ETAA1: variants seen among roughly 807,000 people sequenced by gnomAD.
The protein encoded by ETAA1 is ewing's tumor-associated antigen 1.
Under a neutral mutation model 76.8 loss-of-function variants are expected in ETAA1, and 49 were observed. That is an observed-to-expected ratio of 0.64 (90% confidence interval 0.51 to 0.81). The LOEUF is 0.81. Ranked by LOEUF, ETAA1 falls within the 30% of genes least tolerant of loss-of-function variation. The pLI is 0.00. For synonymous variants in ETAA1, 373 were observed against 372.2 expected (o/e 1.00, Z -0.03); for missense variants, 1,099 against 1,074.0 (o/e 1.02, Z -0.32).
At chr2:67,402,310 C>G (rs927637758) in intron 3 of ETAA1, 1 of 151,868 alleles carries the variant, frequency 6.6e-6, no homozygotes, top group African/African-American at 2.4e-5. Context: ...TAACCTTGCT[C>G]TTATCTCTTA....
intron 3 of ETAA1, chr2:67,400,565 T>C (rs1676026180): frequency 6.6e-6 from 1 of 152,194 alleles, no homozygotes; most frequent in Admixed American, 6.5e-5. Flanking sequence ...AATATTATAA[T>C]TACTAAGAAG....
chr2:67,409,451 G>A (rs1430033881), intron 5 of ETAA1, among the ~76,000 whole-genome samples: 1 of 152,010 alleles, frequency 6.6e-6, no homozygotes. Flanking sequence ...AAAAGTAGAT[G>A]TGAATATTAA....
chr2:67,401,029 T>A (rs1407301044), intron 3 of ETAA1: 1 of 152,102 alleles, frequency 6.6e-6, no homozygotes, highest in Non-Finnish European at 1.5e-5. Context: ...AGAAGCATAA[T>A]AAAATGTGTT....
chr2:67,399,166 T>G lies in ETAA1; in HGVS notation c.224-3T>G, dbSNP rs201337200. 1 of 1,605,538 alleles carries G rather than the reference T, an allele frequency of 6.2e-7. No homozygotes were observed. The highest frequency in any genetic ancestry group is 2.2e-5 in the East Asian group (1 of 44,766). ...ATTGTTATTTTACTCATATTTTATA[T>G]AGAAAGGTATGAAACACCAAAGAGA... On this transcript the variant is annotated splice_polypyrimidine_tract_variant and splice_region_variant and intron_variant, in intron 1 of 5. Transcript: ENST00000272342.
chr2:67,408,027 A>AT (rs985644809), intron 5 of ETAA1, among the ~76,000 whole-genome samples: 94 of 152,250 alleles, frequency 6.2e-4, no homozygotes, highest in African/African-American at 2.2e-3. Flanking sequence ...ATCTATCTGC[A>AT]TTTTTTATGG....
chr2:67,398,999 G>A (rs537788468), intron 1 of ETAA1, among the ~76,000 whole-genome samples, 170 bp from the exon 2 acceptor site: 1 of 152,222 alleles, frequency 6.6e-6, no homozygotes, highest in African/African-American at 2.4e-5. Context: ...AGTGCCGCGT[G>A]GATTTTTATG....
At position 67,403,917 on chromosome 2, in the gene ETAA1, A is replaced by C. The variant is rs548438590; in HGVS notation, c.1235A>C (p.Asp412Ala). ...CCTTCTAAAACAGCCCATGTTACTGATCAAAAGGAAATTTGTACCTTTAAT... is the reference window on the plus strand; with the variant it reads ...CCTTCTAAAACAGCCCATGTTACTGCTCAAAAGGAAATTTGTACCTTTAAT... ...LFPSKTAHVTDQKEICTFNSK... is the reference protein window; with the variant it reads ...LFPSKTAHVTAQKEICTFNSK... The change falls in exon 5 of 6, where the codon GAT becomes GCT. Residue 412 changes from aspartate to alanine, a missense_variant. Coordinates refer to ENST00000272342, the MANE Select transcript of ETAA1 (RefSeq NM_019002.4). The C allele has an allele frequency of 2.7e-5, 43 of 1,612,030 alleles. No individual in the cohort carries two copies. The highest frequency in any genetic ancestry group is 3.5e-5 in the Non-Finnish European group (41 of 1,179,240).
At position 67,403,802 on chromosome 2, in the gene ETAA1, T is replaced by C; in HGVS notation, c.1120T>C (p.Phe374Leu). ...PETSNKYIDA[F>L]TTSDFEDDWE... ...AACTTCTAATAAGTACATTGATGCA[T>C]TTACTACAAGTGATTTTGAGGATGA... Residue 374 changes from phenylalanine to leucine, a missense_variant, in exon 5 of 6, where the codon TTT becomes CTT. Physicochemically the swap from Phe to Leu is conservative, Grantham distance 22. Coordinates refer to ENST00000272342, the MANE Select transcript of ETAA1 (RefSeq NM_019002.4). The C allele has an allele frequency of 6.2e-7, 1 of 1,613,384 alleles. No individual in the cohort carries two copies. Among genetic ancestry groups the C allele is most frequent in the Non-Finnish European group, 8.5e-7 (1 of 1,179,480 alleles).
At position 67,397,695 on chromosome 2, in the gene ETAA1, G is replaced by A. The variant is rs559825297; in HGVS notation, c.223+24G>A. ...GGGTGAGACGTCGGCAGCGCGGCCT[G>A]CCTTGGCTTCGGCGCCGCATCCCCA... is the stretch of plus-strand genomic sequence containing the variant. On this transcript the variant is annotated intron_variant, in intron 1 of 5. Coordinates refer to ENST00000272342, the MANE Select transcript of ETAA1 (RefSeq NM_019002.4). 5.5e-5 allele frequency: 85 copies of A among 1,542,458 alleles called. No individual in the cohort carries two copies. The African/African-American group carries it at 1.1e-3, about 20-fold the overall frequency.
At position 67,410,256 on chromosome 2, in the gene ETAA1, G is replaced by C. The variant is rs1676338044; in HGVS notation, c.*218G>C. The C allele has an allele frequency of 2.1e-6, 1 of 480,926 alleles. No homozygotes were observed. Among genetic ancestry groups the C allele is most frequent in the Admixed American group, 4.1e-5 (1 of 24,348 alleles). The allele number at this position is 480,926 out of a possible 1,614,324, so 29.8% of individuals were successfully genotyped here. On this transcript the variant is annotated 3_prime_UTR_variant, in exon 6 of 6. Transcript: ENST00000272342. Reference sequence around the variant, plus strand: ...TAAATACAAAAGTTTTGGAAATTCAGGAAAGTTAGCAATTATGTACGGATA... The same window carrying C: ...TAAATACAAAAGTTTTGGAAATTCACGAAAGTTAGCAATTATGTACGGATA...
At position 67,410,243 on chromosome 2, in the gene ETAA1, T is replaced by C. The variant is rs1558583862; in HGVS notation, c.*205T>C. 1 of 516,376 alleles carries C rather than the reference T, an allele frequency of 1.9e-6. No homozygotes were observed. Among genetic ancestry groups the C allele is most frequent in the Non-Finnish European group, 3.3e-6 (1 of 301,404 alleles). The allele number at this position is 516,376 out of a possible 1,614,324, so 32.0% of individuals were successfully genotyped here. A position where few individuals can be genotyped will look rare whatever the true frequency, so the allele number is the denominator to read the frequency against. On this transcript the variant is annotated 3_prime_UTR_variant, in exon 6 of 6. Coordinates refer to ENST00000272342, the MANE Select transcript of ETAA1 (RefSeq NM_019002.4). ...ATTTGAAAGTCATTAAATACAAAAG[T>C]TTTGGAAATTCAGGAAAGTTAGCAA...
rs1675992710 is a variant in ETAA1 at position 67,399,481 on chromosome 2, A to G, written c.353-69A>G. On this transcript the variant is annotated intron_variant, in intron 2 of 5. Coordinates refer to ENST00000272342, the MANE Select transcript of ETAA1 (RefSeq NM_019002.4). ...CACTAAATAAAATTACTTTCTAAGA[A>G]GTGACAGCTGTTTTTTAAAATGGAG... 3.1e-6 allele frequency: 4 copies of G among 1,282,278 alleles called. No individual in the cohort carries two copies. The East Asian group carries it at 9.5e-5, about 30-fold the overall frequency. 79.4% of individuals were successfully genotyped at this position (1,282,278 alleles called of 1,614,324 possible).
chr2:67,404,537 A>C lies in ETAA1; in HGVS notation c.1855A>C (p.Arg619=). The stretch of plus-strand genomic sequence containing the variant: ...GTACCAAGCATGTGATGATATTGAA[A>C]GACTAACTCAGCAACAAGACATTAG... ...LLYQACDDIE[R]LTQQQDIRKD... is the part of the protein sequence containing the mutation. The change falls in exon 5 of 6, where the codon AGA becomes CGA. Residue 619 remains arginine, a synonymous_variant. Coordinates refer to ENST00000272342, the MANE Select transcript of ETAA1 (RefSeq NM_019002.4). 1 of 1,613,504 alleles carries C rather than the reference A, an allele frequency of 6.2e-7. No homozygotes were observed. Among genetic ancestry groups the C allele is most frequent in the Non-Finnish European group, 8.5e-7 (1 of 1,179,582 alleles).
In ETAA1 at chr2:67,404,716, C is replaced by T; in HGVS notation, c.2034C>T (p.Asn678=). The T allele has an allele frequency of 6.2e-7, 1 of 1,613,334 alleles. No individual in the cohort carries two copies. The highest frequency in any genetic ancestry group is 8.5e-7 in the Non-Finnish European group (1 of 1,179,562). ...INNNSEHGAK[N]MFAISKQGSN... ...ATAATTCCGAACATGGAGCCAAAAA[C>T]ATGTTTGCTATATCTAAACAAGGAA... Residue 678 remains asparagine, a synonymous_variant, in exon 5 of 6, where the codon AAC becomes AAT. Coordinates refer to ENST00000272342, the MANE Select transcript of ETAA1 (RefSeq NM_019002.4).
rs61740794 is a variant in ETAA1, at chr2:67,404,699, G to A, written c.2017G>A (p.Glu673Lys). ...ESICEINNNS[E>K]HGAKNMFAIS... ...TATATGTGAGATCAATAATAATTCC[G>A]AACATGGAGCCAAAAACATGTTTGC... Residue 673 changes from glutamate to lysine, a missense_variant, in exon 5 of 6, where the codon GAA becomes AAA. Around this residue, in one of 3 missense-constraint regions of ETAA1, gnomAD observed 36 missense variants for 64.0 expected, o/e 0.56. Coordinates refer to ENST00000272342, the MANE Select transcript of ETAA1 (RefSeq NM_019002.4). 301,786 of 945,856 alleles carry A rather than the reference G, an allele frequency of 0.32. 71,386 individuals are homozygous for A. The highest frequency in any genetic ancestry group is 0.51 in the East Asian group (19,813 of 39,202). The allele number at this position is 945,856 out of a possible 1,614,324, so 58.6% of individuals were successfully genotyped here.
Position 67,399,630 on chromosome 2 carries a change from A to G in ETAA1, c.429+4A>G. The G allele has an allele frequency of 6.3e-7, 1 of 1,580,632 alleles. No individual in the cohort carries two copies. The highest frequency in any genetic ancestry group is 8.7e-7 in the Non-Finnish European group (1 of 1,153,966). On this transcript the variant is annotated splice_donor_region_variant and intron_variant, in intron 3 of 5. Coordinates refer to ENST00000272342, the MANE Select transcript of ETAA1 (RefSeq NM_019002.4). ...TGTTAATCGTATTGCTCCTCAGGTA[A>G]ATATCACTAGTTTTACAGTTTGTTT... is the stretch of plus-strand genomic sequence containing the variant.
Position 67,404,102 on chromosome 2 carries a change from T to G in ETAA1, c.1420T>G (p.Ser474Ala). Residue 474 changes from serine to alanine, a missense_variant, in exon 5 of 6, where the codon TCC (serine) becomes GCC (alanine). Ser to Ala is a moderately conservative substitution (Grantham distance 99). Coordinates refer to ENST00000272342, the MANE Select transcript of ETAA1 (RefSeq NM_019002.4). ...AAATTCAAATAAATCAAACAAATTA[T>G]CCACTGGAAATAAAATGAAATTTGA... Reference protein sequence around the residue: ...SPNSNKSNKLSTGNKMKFENS... With the variant: ...SPNSNKSNKLATGNKMKFENS... The G allele has an allele frequency of 1.3e-6, 2 of 1,591,808 alleles. No individual in the cohort carries two copies. The highest frequency in any genetic ancestry group is 4.5e-5 in the East Asian group (2 of 44,676).
At chr2:67,399,508 G>GT (rs756696193) in intron 2 of ETAA1, 42 bp from the exon 3 acceptor site, 22 of 1,472,688 alleles carry the variant, frequency 1.5e-5, no homozygotes, top group East Asian at 9.1e-5. Flanking sequence ...AAAATGGAGG[G>GT]TTTTTTGTTT....
chr2:67,403,603 C>T lies in ETAA1; in HGVS notation c.921C>T (p.Ser307=). The T allele has an allele frequency of 6.2e-7, 1 of 1,613,236 alleles. No homozygotes were observed. Among genetic ancestry groups the T allele is most frequent in the Non-Finnish European group, 8.5e-7 (1 of 1,179,394 alleles). ...AAGAACTGCCAGAGGCTTTTTGGAG[C>T]ACCAGTAATACTACCTTTGTAAAGA... ...LSQELPEAFW[S]TSNTTFVKTN... Residue 307 remains serine (S), a synonymous_variant, in exon 5 of 6, where the codon AGC becomes AGT. Transcript: ENST00000272342.
Sources: gnomAD v4.1 joint callset for allele counts (sites outside exome capture counted in the v4.1 genomes callset) on GRCh38, gnomAD v4.1.1 for gene constraint, gnomAD v4.1.1 regional missense constraint, MANE v1.5 for transcripts, NCBI Gene and HGNC (gene_info 2026-07-23, HGNC 2026-07-21) for gene names.